MND1: variants seen among roughly 807,000 people sequenced by gnomAD.
MND1 encodes meiotic nuclear divisions 1, also known as meiotic nuclear division protein 1 homolog.
Under a neutral mutation model 35.1 loss-of-function variants are expected in MND1, and 28 were observed. The ratio of observed to expected loss-of-function variants is 0.80; its 90% CI spans 0.59 to 1.09. The LOEUF is 1.09. Ranked by LOEUF, MND1 falls within the 50% of genes least tolerant of loss-of-function variation. MND1 has a pLI of 0.00. For synonymous variants in MND1, 69 were observed against 70.5 expected, an observed-to-expected ratio of 0.98 and a Z score of 0.11; for missense variants, 213 against 239.6, an observed-to-expected ratio of 0.89 and a Z score of 0.73.
intron 4 of MND1, among the ~76,000 whole-genome samples, chr4:153,380,012 C>T (rs117968836): frequency 6.6e-6 from 1 of 152,082 alleles, no homozygotes; most frequent in East Asian, 1.9e-4. Context: ...CAAAGCACGA[C>T]CCTATCCCCC....
Position 153,358,532 on chromosome 4 carries a change from T to A in MND1, c.186T>A (p.Cys62Ter). Reference sequence around the variant, plus strand: ...TAGTTGATGATGGTATGGTTGACTGTGAGAGGATCGGAACTTCTAATTATT... The same window carrying A: ...TAGTTGATGATGGTATGGTTGACTGAGAGAGGATCGGAACTTCTAATTATT... ...QSLVDDGMVD[C>*]ERIGTSNYYW... is the part of the protein sequence containing the mutation. The change falls in exon 4 of 8, where the codon TGT (cysteine) becomes TGA (stop). Residue 62 changes from cysteine to a stop codon, truncating the protein, a stop_gained. Transcript: ENST00000240488. LOFTEE classifies it high-confidence loss of function. 6.2e-7 allele frequency: 1 copy of A among 1,613,618 alleles called. No homozygotes were observed. Among genetic ancestry groups the A allele is most frequent in the Non-Finnish European group, 8.5e-7 (1 of 1,179,766 alleles).
At chr4:153,406,507 G>C (rs931133938) in intron 6 of MND1, among the ~76,000 whole-genome samples, 1 of 151,994 alleles carries the variant, frequency 6.6e-6, no homozygotes, top group Non-Finnish European at 1.5e-5. Flanking sequence ...GGGTGACAGA[G>C]ACTCCATCAC....
intron 2 of MND1, among the ~76,000 whole-genome samples, chr4:153,351,690 G>A (rs977391959): frequency 1.3e-5 from 2 of 152,116 alleles, no homozygotes; most frequent in African/African-American, 4.8e-5. Context: ...TTCTAATTTC[G>A]TTGTTGCAAT....
At chr4:153,401,261 A>G (rs758997737) in intron 6 of MND1, among the ~76,000 whole-genome samples, 1 of 152,144 alleles carries the variant, frequency 6.6e-6, no homozygotes, top group African/African-American at 2.4e-5. Context: ...TAAAAATTTT[A>G]AAAATATGAA....
intron 6 of MND1, among the ~76,000 whole-genome samples, chr4:153,399,730 C>T (rs534398291): frequency 6.6e-6 from 1 of 152,120 alleles, no homozygotes; most frequent in South Asian, 2.1e-4. Flanking sequence ...AAACTGGTTG[C>T]CTGCATTCTG....
chr4:153,414,522 A>T (rs1729780975), intron 7 of MND1, among the ~76,000 whole-genome samples: 1 of 151,908 alleles, frequency 6.6e-6, no homozygotes, highest in African/African-American at 2.4e-5. Context: ...TGACCTCATG[A>T]TCACCCTGCC....
At chr4:153,396,367 C>T (rs1729197710) in intron 5 of MND1, among the ~76,000 whole-genome samples, 1 of 152,100 alleles carries the variant, frequency 6.6e-6, no homozygotes, top group African/African-American at 2.4e-5. Context: ...CAAAGGAACT[C>T]TCTTCACTTT....
At chr4:153,367,202 T>C (rs950037412) in intron 4 of MND1, among the ~76,000 whole-genome samples, 3 of 152,236 alleles carry the variant, frequency 2.0e-5, no homozygotes, top group Admixed American at 2.0e-4. Context: ...TAGTTTTTAA[T>C]ATGTTCATTG....
intron 7 of MND1, among the ~76,000 whole-genome samples, chr4:153,411,061 G>A (rs9968359): frequency 0.069 from 10,557 of 152,240 alleles, 633 homozygotes; most frequent in African/African-American, 0.16. Context: ...CAGTATCTCA[G>A]TTCTATAGGA....
At position 153,359,004 on chromosome 4, in the gene MND1, A is replaced by G. The variant is rs541248047; in HGVS notation, c.276+382A>G. On this transcript the variant is annotated intron_variant, in intron 4 of 7. Transcript: ENST00000240488. ...TTCCCTGTTATTGACATCCTATACT[A>G]GTGTAATATGTTTGTCACAATTGAG... Among the ~76,000 whole-genome samples, 5 of 152,262 alleles carry G rather than the reference A, an allele frequency of 3.3e-5. No individual in the cohort carries two copies. In the East Asian group the frequency reaches 9.6e-4, roughly 29 times the overall value.
intron 4 of MND1, among the ~76,000 whole-genome samples, chr4:153,391,752 A>ATG (rs1729045057): frequency 6.6e-6 from 1 of 151,494 alleles, no homozygotes; most frequent in African/African-American, 2.4e-5. Flanking sequence ...ACACACACAT[A>ATG]CATACATATA....
At chr4:153,380,925 A>T (rs1728660884) in intron 4 of MND1, among the ~76,000 whole-genome samples, 1 of 151,670 alleles carries the variant, frequency 6.6e-6, no homozygotes, top group Non-Finnish European at 1.5e-5. Context: ...TTTAAGGCAG[A>T]CTGTCGCTCT....
At chr4:153,385,886 C>T (rs1307493134) in intron 4 of MND1, among the ~76,000 whole-genome samples, 2 of 152,098 alleles carry the variant, frequency 1.3e-5, no homozygotes, top group Non-Finnish European at 2.9e-5. Context: ...GTAATTTGGG[C>T]TGTTTGCCTC....
chr4:153,380,144 A>G (rs1482721817), intron 4 of MND1, among the ~76,000 whole-genome samples: 1 of 152,124 alleles, frequency 6.6e-6, no homozygotes, highest in African/African-American at 2.4e-5. Flanking sequence ...TTTTATATGC[A>G]TGAATCAGGA....
intron 6 of MND1, among the ~76,000 whole-genome samples, chr4:153,398,586 G>A (rs1729263592): frequency 6.6e-6 from 1 of 152,196 alleles, no homozygotes; most frequent in Admixed American, 6.5e-5. Context: ...GATATGTAGT[G>A]CCACTGGTTC....
At chr4:153,401,952 T>C (rs1729357006) in intron 6 of MND1, among the ~76,000 whole-genome samples, 1 of 152,152 alleles carries the variant, frequency 6.6e-6, no homozygotes, top group African/African-American at 2.4e-5. Context: ...GTCAGGAGTT[T>C]GAGACCAGCC....
chr4:153,413,035 G>C (rs186739667), intron 7 of MND1, among the ~76,000 whole-genome samples: 1 of 152,116 alleles, frequency 6.6e-6, no homozygotes, highest in East Asian at 1.9e-4. Flanking sequence ...TCGATCTCTT[G>C]ACCTCATGAT....
chr4:153,366,611 C>A (rs1220903656), intron 4 of MND1, among the ~76,000 whole-genome samples: 1 of 152,196 alleles, frequency 6.6e-6, no homozygotes, highest in African/African-American at 2.4e-5. Flanking sequence ...TCACTGAACC[C>A]TGACTCTCAA....
intron 5 of MND1, among the ~76,000 whole-genome samples, chr4:153,395,415 G>T (rs1292747768): frequency 6.6e-6 from 1 of 152,168 alleles, no homozygotes; most frequent in Admixed American, 6.5e-5. Context: ...AAACCCACTA[G>T]CAAACATAGT....
Sources: gnomAD v4.1 joint callset for allele counts (sites outside exome capture counted in the v4.1 genomes callset) on GRCh38, gnomAD v4.1.1 for gene constraint, MANE v1.5 for transcripts, NCBI Gene and HGNC (gene_info 2026-07-23, HGNC 2026-07-21) for gene names.